ERI1: variants seen among roughly 807,000 people sequenced by gnomAD.
ERI1 encodes the protein exoribonuclease 1.
Under a neutral mutation model 39.7 loss-of-function variants are expected in ERI1, and 39 were observed. The observed-to-expected ratio is 0.98, with a 90% CI of 0.76 to 1.28. ERI1 has a LOEUF of 1.28. Ranked by LOEUF, ERI1 falls within the 50% of genes most tolerant of loss-of-function variation. ERI1 has a pLI of 0.00. For synonymous variants in ERI1, 204 were observed against 149.6 expected, an observed-to-expected ratio of 1.36 and a Z score of -2.65; for missense variants, 581 against 416.9, an observed-to-expected ratio of 1.39 and a Z score of -3.43.
At chr8:9,087,700 C>T (rs948221001) in intron 3 of ERI1, among the ~76,000 whole-genome samples, 18 of 152,104 alleles carry the variant, frequency 1.2e-4, no homozygotes, top group African/African-American at 4.3e-4. Context: ...AAATTTAGAT[C>T]CCCTACTTTC....
chr8:9,068,839 C>G (rs890690392), intron 3 of ERI1, among the ~76,000 whole-genome samples: 1 of 152,052 alleles, frequency 6.6e-6, no homozygotes, highest in Non-Finnish European at 1.5e-5. Flanking sequence ...GTTTTTGAGA[C>G]AGGGTCTCTT....
At chr8:9,066,551 G>C (rs1798884333) in intron 3 of ERI1, among the ~76,000 whole-genome samples, 2 of 152,196 alleles carry the variant, frequency 1.3e-5, no homozygotes, top group South Asian at 2.1e-4. Flanking sequence ...CGGTGAAGGA[G>C]GGTGACAAAT....
At chr8:9,090,600 C>T (rs1235961037) in intron 3 of ERI1, among the ~76,000 whole-genome samples, 7 of 152,116 alleles carry the variant, frequency 4.6e-5, no homozygotes, top group South Asian at 2.1e-4. Flanking sequence ...CACATGCACA[C>T]GGTTAAAAGT....
At chr8:9,045,591 A>G (rs1451924789) in intron 3 of ERI1, among the ~76,000 whole-genome samples, 1 of 152,032 alleles carries the variant, frequency 6.6e-6, no homozygotes, top group African/African-American at 2.4e-5. Context: ...GAGCCCAGGA[A>G]TTTGAGATCA....
chr8:9,070,411 C>T (rs890076605), intron 3 of ERI1, among the ~76,000 whole-genome samples: 1 of 152,096 alleles, frequency 6.6e-6, no homozygotes, highest in African/African-American at 2.4e-5. Flanking sequence ...TGGCTTGAGC[C>T]CAGGAATTCA....
At chr8:9,021,103 C>G (rs895603913) in intron 6 of ERI1, among the ~76,000 whole-genome samples, 1 of 152,112 alleles carries the variant, frequency 6.6e-6, no homozygotes, top group Non-Finnish European at 1.5e-5. Flanking sequence ...AGCTCTATTA[C>G]CTTTCAGTCA....
At chr8:9,028,302 G>A (rs1053171882) in intron 6 of ERI1, among the ~76,000 whole-genome samples, 2 of 152,164 alleles carry the variant, frequency 1.3e-5, no homozygotes, top group Non-Finnish European at 2.9e-5. Context: ...TTATTGTTAA[G>A]TTGTGTATTT....
intron 3 of ERI1, among the ~76,000 whole-genome samples, chr8:9,063,310 TG>T (rs1798764117): frequency 6.6e-6 from 1 of 152,156 alleles, no homozygotes; most frequent in Non-Finnish European, 1.5e-5. Flanking sequence ...CTAACTGATT[TG>T]GGAGAGGTCA....
chr8:9,036,028 C>T (rs1040629050), downstream of ERI1, among the ~76,000 whole-genome samples: 2 of 152,168 alleles, frequency 1.3e-5, no homozygotes, highest in African/African-American at 4.8e-5. Flanking sequence ...GACTGAATTG[C>T]TGCAGCCTCA....
At chr8:9,065,177 T>G (rs1798835265) in intron 3 of ERI1, among the ~76,000 whole-genome samples, 1 of 152,180 alleles carries the variant, frequency 6.6e-6, no homozygotes, top group Non-Finnish European at 1.5e-5. Flanking sequence ...TGGCTTAGCT[T>G]GGGCTCAGAG....
intron 3 of ERI1, among the ~76,000 whole-genome samples, chr8:9,012,697 C>G (rs1164301025): frequency 6.6e-6 from 1 of 152,198 alleles, no homozygotes; most frequent in Non-Finnish European, 1.5e-5. Flanking sequence ...AGTTCTCCCT[C>G]ATTTGGACAT....
chr8:9,067,923 TACACAC>T (rs34870760), intron 3 of ERI1, among the ~76,000 whole-genome samples: 1 of 149,740 alleles, frequency 6.7e-6, no homozygotes, highest in African/African-American at 2.5e-5. Flanking sequence ...ATGCTACAAA[TACACAC>T]ACACACACAC....
At chr8:9,066,208 G>C (rs1356096423) in intron 3 of ERI1, among the ~76,000 whole-genome samples, 1 of 151,818 alleles carries the variant, frequency 6.6e-6, no homozygotes, top group East Asian at 1.9e-4. Flanking sequence ...CTTATCGTCA[G>C]CCTCATCTCC....
At chr8:9,022,021 G>T (rs1302078726) in intron 6 of ERI1, among the ~76,000 whole-genome samples, 2 of 151,894 alleles carry the variant, frequency 1.3e-5, no homozygotes. Flanking sequence ...TAAGAGTGCA[G>T]TTGCTGGGTC....
chr8:9,076,390 G>A (rs1799212470), intron 3 of ERI1, among the ~76,000 whole-genome samples: 1 of 152,188 alleles, frequency 6.6e-6, no homozygotes, highest in African/African-American at 2.4e-5. Context: ...AACATCTAGG[G>A]TTCATCTGTA....
In ERI1 at chr8:9,031,680, A is replaced by C. The variant is rs182110131; in HGVS notation, c.*1646A>C. On this transcript the variant is annotated 3_prime_UTR_variant, in exon 7 of 7. Coordinates refer to ENST00000250263, the MANE Select transcript of ERI1 (RefSeq NM_153332.4). Reference sequence around the variant, plus strand: ...TCTGCTAATTTCTTTGCCTGTTTTCACTTTCGCCAAGTACCAACAAGCTCA... The same window carrying C: ...TCTGCTAATTTCTTTGCCTGTTTTCCCTTTCGCCAAGTACCAACAAGCTCA... 3 of 152,272 alleles carry C rather than the reference A, an allele frequency of 2.0e-5. No homozygotes were observed. The highest frequency in any genetic ancestry group is 2.0e-4 in the Admixed American group (3 of 15,304). 9.4% of individuals were successfully genotyped at this position (152,272 alleles called of 1,614,324 possible).
At chr8:9,045,811 G>C (rs1798157730) in intron 3 of ERI1, among the ~76,000 whole-genome samples, 1 of 151,468 alleles carries the variant, frequency 6.6e-6, no homozygotes, top group Admixed American at 6.6e-5. Context: ...TGAGTAGCTG[G>C]GATTACAGGC....
chr8:9,027,224 T>G (rs537143471), intron 6 of ERI1, among the ~76,000 whole-genome samples: 24 of 151,974 alleles, frequency 1.6e-4, no homozygotes, highest in Non-Finnish European at 2.9e-4. Flanking sequence ...ATTGTGGTTT[T>G]GATTTGTATT....
chr8:9,063,579 G>A (rs1056252334), intron 3 of ERI1, among the ~76,000 whole-genome samples: 1 of 152,166 alleles, frequency 6.6e-6, no homozygotes, highest in Non-Finnish European at 1.5e-5. Context: ...ACTCAGCGAT[G>A]CTTGGGGTTG....
Sources: gnomAD v4.1 joint callset for allele counts (sites outside exome capture counted in the v4.1 genomes callset) on GRCh38, gnomAD v4.1.1 for gene constraint, MANE v1.5 for transcripts, NCBI Gene and HGNC (gene_info 2026-07-23, HGNC 2026-07-21) for gene names.